NRIP1: variants seen among roughly 807,000 people sequenced by gnomAD.
NRIP1 encodes the protein nuclear receptor-interacting protein 1.
In NRIP1, 28 loss-of-function variants were observed where a neutral mutation model predicts 75.0. That is an observed-to-expected ratio of 0.37 (90% CI 0.28 to 0.51). The LOEUF is 0.51. Among genes scored for constraint, NRIP1 ranks in the 20% least tolerant of loss-of-function variants. The pLI is 0.92. For synonymous variants in NRIP1, 526 were observed against 487.6 expected (o/e 1.08, Z -1.04); for missense variants, 1,435 against 1,343.7 (o/e 1.07, Z -1.06).
chr21:14,979,782 G>A (rs1380297016), intron 3 of NRIP1, among the ~76,000 whole-genome samples: 1 of 152,062 alleles, frequency 6.6e-6, no homozygotes, highest in East Asian at 1.9e-4. Context: ...CCAAAGTGCT[G>A]GGATTACAGG....
At position 14,964,800 on chromosome 21, in the gene NRIP1, A is replaced by C; in HGVS notation, c.3393T>G (p.Asn1131Lys). Residue 1131 changes from asparagine (N) to lysine (K), a missense_variant, in exon 4 of 4, where the codon AAT (asparagine) becomes AAG (lysine). By Grantham distance (94) the Asn-to-Lys change is moderately conservative. Transcript: ENST00000318948. The part of the protein sequence containing the change: ...LRSPYNSHMG[N>K]NASRPHSANG... The stretch of plus-strand genomic sequence containing the variant: ...TTGCGCTGTGTGGGCGAGAAGCATT[A>C]TTTCCCATATGGCTATTGTAAGGGC... 1.2e-6 allele frequency: 2 copies of C among 1,611,104 alleles called. No individual in the cohort carries two copies. Among genetic ancestry groups the C allele is most frequent in the Non-Finnish European group, 1.7e-6 (2 of 1,179,096 alleles).
At chr21:14,972,959 C>T (rs981071308) in intron 3 of NRIP1, among the ~76,000 whole-genome samples, 1 of 152,188 alleles carries the variant, frequency 6.6e-6, no homozygotes, top group African/African-American at 2.4e-5. Flanking sequence ...CAGGCTTGGC[C>T]TGGGGGTTGG....
chr21:15,034,680 AG>A (rs1329900335), intron 2 of NRIP1, among the ~76,000 whole-genome samples: 1 of 152,198 alleles, frequency 6.6e-6, no homozygotes, highest in Non-Finnish European at 1.5e-5. Flanking sequence ...GGAGAGCTGG[AG>A]GAAGTGGAAA....
intron 2 of NRIP1, among the ~76,000 whole-genome samples, chr21:15,015,477 T>A (rs1401645301): frequency 6.6e-6 from 1 of 152,094 alleles, no homozygotes; most frequent in African/African-American, 2.4e-5. Context: ...CTAAGATTTA[T>A]CCTAATTAAA....
upstream of NRIP1, among the ~76,000 whole-genome samples, chr21:15,065,479 C>T (rs1440612640): frequency 2.0e-5 from 3 of 151,928 alleles, no homozygotes; most frequent in Non-Finnish European, 2.9e-5. Flanking sequence ...CGGGGCGCCC[C>T]AGACGCTCCA....
intron 3 of NRIP1, among the ~76,000 whole-genome samples, chr21:14,975,092 G>A: frequency 6.6e-6 from 1 of 151,928 alleles, no homozygotes; most frequent in Non-Finnish European, 1.5e-5. Context: ...TAGCCTGGGT[G>A]ACAGAGCAAG....
rs145233510 is a variant in NRIP1 at position 14,989,615 on chromosome 21, C to T, written c.-334-21089G>A. On this transcript the variant is annotated intron_variant, in intron 3 of 3. Coordinates refer to ENST00000318948, the MANE Select transcript of NRIP1 (RefSeq NM_003489.4). ...ATGTCCTTTCCTCAAGTTATCCCTG[C>T]AGCTGTGTGAAACTTAACTGATGTT... 3.5e-4 allele frequency among the ~76,000 whole-genome samples: 54 copies of T among 152,312 alleles called. No homozygotes were observed. The East Asian group carries it at 0.01, about 29-fold the overall frequency.
chr21:15,017,961 C>G (rs2088275848), intron 2 of NRIP1, among the ~76,000 whole-genome samples: 1 of 151,920 alleles, frequency 6.6e-6, no homozygotes, highest in African/African-American at 2.4e-5. Context: ...TAAATAAAAC[C>G]AACAAAAGAT....
chr21:15,045,842 G>A (rs1000792055), intron 1 of NRIP1, among the ~76,000 whole-genome samples: 7 of 152,152 alleles, frequency 4.6e-5, no homozygotes, highest in African/African-American at 1.4e-4. Context: ...CTTCAATCAG[G>A]AGTAGATTCC....
chr21:15,023,968 C>T lies in NRIP1; in HGVS notation c.-457-9502G>A, dbSNP rs557314622. On this transcript the variant is annotated intron_variant, in intron 2 of 3. Transcript: ENST00000318948. ...AGTGTTGAAACAACTGGTTACCCAT[C>T]GTGGAGGCAAAAGTGGATTCCTGAT... is the stretch of plus-strand genomic sequence containing the variant. Among the ~76,000 whole-genome samples the T allele has an allele frequency of 3.3e-5, 5 of 152,272 alleles. No homozygotes were observed. In the South Asian group the frequency reaches 8.3e-4, roughly 25 times the overall value.
chr21:14,967,685 T>C lies in NRIP1; in HGVS notation c.508A>G (p.Lys170Glu). The change falls in exon 4 of 4, where the codon AAA (lysine) becomes GAA (glutamate). Residue 170 changes from lysine (K) to glutamate (E), a missense_variant. Physicochemically the swap from Lys to Glu is moderately conservative, Grantham distance 56. Transcript: ENST00000318948. ...TAGCACCTTAAATCCTTCTCCACTTTTAAAGAATCATGACTGAGGGCATAT... is the reference window on the plus strand; with the variant it reads ...TAGCACCTTAAATCCTTCTCCACTTCTAAAGAATCATGACTGAGGGCATAT... ...QGYALSHDSLKVEKDLRCYGV... is the reference protein window; with the variant it reads ...QGYALSHDSLEVEKDLRCYGV... 2 of 1,614,118 alleles carry C rather than the reference T, an allele frequency of 1.2e-6. No individual in the cohort carries two copies. The highest frequency in any genetic ancestry group is 1.1e-5 in the South Asian group (1 of 91,082).
intron 3 of NRIP1, among the ~76,000 whole-genome samples, chr21:14,982,843 T>C (rs2087284096): frequency 1.3e-5 from 2 of 152,086 alleles, no homozygotes; most frequent in Admixed American, 6.6e-5. Flanking sequence ...TCTCACAATA[T>C]TTCAAGCTTT....
intron 1 of NRIP1, among the ~76,000 whole-genome samples, chr21:15,062,561 T>C (rs1213067996): frequency 1.3e-5 from 2 of 152,260 alleles, no homozygotes; most frequent in Non-Finnish European, 1.5e-5. Flanking sequence ...CTCAACTTGA[T>C]ATGTCATAAT....
chr21:14,994,675 AC>A, intron 3 of NRIP1, among the ~76,000 whole-genome samples: 1 of 152,332 alleles, frequency 6.6e-6, no homozygotes, highest in East Asian at 1.9e-4. Flanking sequence ...TTTTGTGAAG[AC>A]ATTTCATTTC....
chr21:15,002,637 C>T (rs1342820962), intron 3 of NRIP1, among the ~76,000 whole-genome samples: 1 of 152,098 alleles, frequency 6.6e-6, no homozygotes, highest in Non-Finnish European at 1.5e-5. Context: ...CAACAGTGCC[C>T]AACAATTGTT....
chr21:14,995,376 C>G (rs1359998732), intron 3 of NRIP1, among the ~76,000 whole-genome samples: 1 of 152,160 alleles, frequency 6.6e-6, no homozygotes, highest in African/African-American at 2.4e-5. Context: ...GTTTCTTAAA[C>G]CTGGGATACA....
chr21:14,989,539 A>T (rs1423492169), intron 3 of NRIP1, among the ~76,000 whole-genome samples: 1 of 152,164 alleles, frequency 6.6e-6, no homozygotes, highest in Non-Finnish European at 1.5e-5. Context: ...AGTGAATAAC[A>T]TATCTTTCAC....
intron 3 of NRIP1, among the ~76,000 whole-genome samples, chr21:14,982,193 ATTTCCCAC>A (rs1455448052): frequency 6.6e-6 from 1 of 152,012 alleles, no homozygotes; most frequent in African/African-American, 2.4e-5. Flanking sequence ...TTACATCAGA[ATTTCCCAC>A]TGTTTATATT....
At chr21:14,970,752 T>C (rs2086882481) in intron 3 of NRIP1, among the ~76,000 whole-genome samples, 1 of 152,206 alleles carries the variant, frequency 6.6e-6, no homozygotes. Context: ...TAAAACATAC[T>C]TTATTTAAGA....
Sources: allele counts gnomAD v4.1 joint callset (sites outside exome capture counted in the v4.1 genomes callset), GRCh38; gene constraint gnomAD v4.1.1; transcripts MANE v1.5; gene names NCBI Gene and HGNC (gene_info 2026-07-23, HGNC 2026-07-21).